PRDM6: variants seen among roughly 807,000 people sequenced by gnomAD.
The protein encoded by PRDM6 is putative histone-lysine N-methyltransferase PRDM6.
Under a neutral mutation model 60.8 loss-of-function variants are expected in PRDM6, and 25 were observed. The observed-to-expected ratio is 0.41, with a 90% CI of 0.30 to 0.57. The LOEUF is 0.57. Ranked by LOEUF, PRDM6 falls within the 20% of genes least tolerant of loss-of-function variation. The pLI is 0.27. For synonymous variants in PRDM6, 407 were observed against 357.4 expected (o/e 1.14, Z -1.57); for missense variants, 839 against 821.3 (o/e 1.02, Z -0.26).
chr5:123,117,172 C>T (rs976348081), intron 3 of PRDM6, among the ~76,000 whole-genome samples: 5 of 152,206 alleles, frequency 3.3e-5, no homozygotes, highest in Non-Finnish European at 5.9e-5. Flanking sequence ...CAGGACTGCC[C>T]GGCAACCCAA....
chr5:123,143,695 C>T lies in PRDM6; in HGVS notation c.901-12189C>T, dbSNP rs1404237251. 2.0e-5 allele frequency among the ~76,000 whole-genome samples: 3 copies of T among 152,074 alleles called. 1 individual carries two copies. The highest frequency in any genetic ancestry group is 4.4e-5 in the Non-Finnish European group (3 of 68,008). On this transcript the variant is annotated intron_variant, in intron 3 of 7. Coordinates refer to ENST00000407847, the MANE Select transcript of PRDM6 (RefSeq NM_001136239.4). Reference sequence around the variant, plus strand: ...GCTGTGTGAAAGGAGCTTTATTAGCCAGCCCAAACCAGGCTTGTTTGGAGT... The same window carrying T: ...GCTGTGTGAAAGGAGCTTTATTAGCTAGCCCAAACCAGGCTTGTTTGGAGT...
At position 123,193,670 on chromosome 5, in the gene PRDM6, A is replaced by G. The variant is rs568212844; in HGVS notation, c.*6469A>G. 6.6e-6 allele frequency: 1 copy of G among 152,322 alleles called. No homozygotes were observed. The highest frequency in any genetic ancestry group is 1.5e-5 in the Non-Finnish European group (1 of 68,032). 9.4% of individuals were successfully genotyped at this position (152,322 alleles called of 1,614,324 possible). On this transcript the variant is annotated 3_prime_UTR_variant, in exon 8 of 8. Transcript: ENST00000407847. ...GGAAAACTTTGGCTCAGATCAGCAA[A>G]ATTATTTTGGAAACTTAATGTCCCA...
rs572543259 is a variant in PRDM6, at chr5:123,187,404, G to C, written c.*203G>C. ...AAAGAGATTATTTATTTATGACTTA[G>C]GGATGAGACTTATTTCAGTGGACAA... On this transcript the variant is annotated 3_prime_UTR_variant, in exon 8 of 8. Transcript: ENST00000407847. The C allele has an allele frequency of 4.8e-6, 2 of 418,022 alleles. No individual in the cohort carries two copies. The highest frequency in any genetic ancestry group is 8.9e-6 in the Non-Finnish European group (2 of 225,134). The allele number at this position is 418,022 out of a possible 1,614,324, so 25.9% of individuals were successfully genotyped here.
intron 3 of PRDM6, among the ~76,000 whole-genome samples, chr5:123,145,952 G>A (rs1765228523): frequency 6.6e-6 from 1 of 152,136 alleles, no homozygotes; most frequent in African/African-American, 2.4e-5. Context: ...CAAACATTCT[G>A]TGTCTTTAGA....
At chr5:123,127,450 G>T (rs951657601) in intron 3 of PRDM6, among the ~76,000 whole-genome samples, 1 of 152,190 alleles carries the variant, frequency 6.6e-6, no homozygotes, top group Non-Finnish European at 1.5e-5. Flanking sequence ...CTAATCTCTG[G>T]AACTGTAAAT....
intron 3 of PRDM6, among the ~76,000 whole-genome samples, chr5:123,146,899 C>G (rs138651912): frequency 7.2e-5 from 11 of 152,268 alleles, no homozygotes; most frequent in African/African-American, 2.4e-4. Context: ...ACAATACACA[C>G]AGTTTGTGGC....
At chr5:123,126,600 G>A (rs879655833) in intron 3 of PRDM6, among the ~76,000 whole-genome samples, 8 of 152,156 alleles carry the variant, frequency 5.3e-5, no homozygotes, top group Admixed American at 5.2e-4. Flanking sequence ...TTTTTAAGAT[G>A]CCAGTAGATT....
At chr5:123,151,922 C>T (rs977754870) in intron 3 of PRDM6, among the ~76,000 whole-genome samples, 2 of 152,078 alleles carry the variant, frequency 1.3e-5, no homozygotes, top group Non-Finnish European at 1.5e-5. Flanking sequence ...ACATTTAAGA[C>T]GTCCTTGAAT....
At chr5:123,092,858 A>G (rs552704149) in intron 2 of PRDM6, among the ~76,000 whole-genome samples, 1 of 152,354 alleles carries the variant, frequency 6.6e-6, no homozygotes, top group South Asian at 2.1e-4. Context: ...TTAGGCACTC[A>G]TTTGAAGCCA....
At chr5:123,165,449 T>C (rs1185397155) in intron 5 of PRDM6, among the ~76,000 whole-genome samples, 2 of 152,232 alleles carry the variant, frequency 1.3e-5, no homozygotes, top group African/African-American at 4.8e-5. Context: ...AGTGTCACCA[T>C]CCACTCTGGC....
At chr5:123,116,197 G>A (rs990512016) in intron 3 of PRDM6, among the ~76,000 whole-genome samples, 1 of 152,174 alleles carries the variant, frequency 6.6e-6, no homozygotes, top group South Asian at 2.1e-4. Context: ...ACATGCTCCA[G>A]GGGAGCTTTC....
In PRDM6 at chr5:123,191,084, G is replaced by A. The variant is rs1404392966; in HGVS notation, c.*3883G>A. ...AGACCAGGATTAGGGCCTGGGTCTT[G>A]GGTTTTTATGACCCCCCCTTTCAAT... On this transcript the variant is annotated 3_prime_UTR_variant, in exon 8 of 8. Transcript: ENST00000407847. 1 of 152,158 alleles carries A rather than the reference G, an allele frequency of 6.6e-6. No individual in the cohort carries two copies. Among genetic ancestry groups the A allele is most frequent in the Non-Finnish European group, 1.5e-5 (1 of 68,046 alleles). 9.4% of individuals were successfully genotyped at this position (152,158 alleles called of 1,614,324 possible). A position where few individuals can be genotyped will look rare whatever the true frequency, so the allele number is the denominator to read the frequency against.
intron 7 of PRDM6, among the ~76,000 whole-genome samples, chr5:123,184,636 G>A (rs1316607340): frequency 2.6e-5 from 4 of 152,186 alleles, no homozygotes; most frequent in Non-Finnish European, 5.9e-5. Flanking sequence ...TGCCAACCAA[G>A]TGAAGTCTGG....
chr5:123,177,591 T>C (rs1372862314), intron 6 of PRDM6, among the ~76,000 whole-genome samples: 1 of 152,210 alleles, frequency 6.6e-6, no homozygotes, highest in Admixed American at 6.5e-5. Context: ...ATTTAAATTT[T>C]CCATATTCCA....
intron 3 of PRDM6, among the ~76,000 whole-genome samples, chr5:123,136,915 G>C (rs1307754106): frequency 6.6e-6 from 1 of 152,126 alleles, no homozygotes. Context: ...ATTGTGGTTT[G>C]GTGGCAACAA....
rs1340841481 is a variant in PRDM6, at chr5:123,187,498, A to G, written c.*297A>G. On this transcript the variant is annotated 3_prime_UTR_variant, in exon 8 of 8. Coordinates refer to ENST00000407847, the MANE Select transcript of PRDM6 (RefSeq NM_001136239.4). ...GCTTTGTTTCTAAAAAGCTTTTTAAAAACTGTTATTTAATACCAAAGGGAG... is the reference window on the plus strand; with the variant it reads ...GCTTTGTTTCTAAAAAGCTTTTTAAGAACTGTTATTTAATACCAAAGGGAG... 4 of 259,384 alleles carry G rather than the reference A, an allele frequency of 1.5e-5. No homozygotes were observed. Among genetic ancestry groups the G allele is most frequent in the Non-Finnish European group, 3.1e-5 (4 of 130,940 alleles). The allele number at this position is 259,384 out of a possible 1,614,324, so 16.1% of individuals were successfully genotyped here. A position where few individuals can be genotyped will look rare whatever the true frequency, so the allele number is the denominator to read the frequency against.
chr5:123,112,583 A>G (rs1044826768), intron 3 of PRDM6, among the ~76,000 whole-genome samples: 3 of 152,126 alleles, frequency 2.0e-5, no homozygotes, highest in Non-Finnish European at 2.9e-5. Context: ...CAGATTCAGT[A>G]TCCCGCACTG....
intron 1 of PRDM6, 101 bp downstream of exon 1, chr5:123,089,620 T>G (rs1380625814): frequency 9.5e-6 from 2 of 210,608 alleles, no homozygotes; most frequent in African/African-American, 4.7e-5. Flanking sequence ...TTCTGCCTCC[T>G]GGCGCCTGAG....
intron 3 of PRDM6, among the ~76,000 whole-genome samples, chr5:123,121,132 T>C (rs1034403358): frequency 2.0e-5 from 3 of 152,180 alleles, no homozygotes; most frequent in Admixed American, 2.0e-4. Flanking sequence ...AAAAGTTGCT[T>C]TAGGTCCAGT....
Sources: gnomAD v4.1 joint callset for allele counts (sites outside exome capture counted in the v4.1 genomes callset) on GRCh38, gnomAD v4.1.1 for gene constraint, MANE v1.5 for transcripts, NCBI Gene and HGNC (gene_info 2026-07-23, HGNC 2026-07-21) for gene names.